PCDH9: variants seen among roughly 807,000 people sequenced by gnomAD.
The protein encoded by PCDH9 is protocadherin 9.
Under a neutral mutation model 70.6 loss-of-function variants are expected in PCDH9, and 24 were observed. The ratio of observed to expected loss-of-function variants is 0.34; its 90% CI spans 0.25 to 0.48. PCDH9 has a LOEUF of 0.48. PCDH9 is among the 20% of genes least tolerant of loss of function. The pLI is 0.99. For synonymous variants in PCDH9, 562 were observed against 558.5 expected (o/e 1.01, Z -0.09); for missense variants, 1,281 against 1,503.6 (o/e 0.85, Z 2.45).
chr13:67,135,098 T>C (rs1026798001), intron 2 of PCDH9, among the ~76,000 whole-genome samples: 5 of 152,152 alleles, frequency 3.3e-5, no homozygotes, highest in African/African-American at 9.6e-5. Context: ...ATGATACCAT[T>C]ATTTATACAA....
At chr13:67,166,775 G>C (rs753062955) in intron 2 of PCDH9, among the ~76,000 whole-genome samples, 3 of 152,136 alleles carry the variant, frequency 2.0e-5, no homozygotes, top group Admixed American at 6.5e-5. Flanking sequence ...GCTACCATGA[G>C]TGTGTGGCTA....
chr13:66,318,088 G>T (rs528212182), intron 4 of PCDH9, among the ~76,000 whole-genome samples: 1 of 152,240 alleles, frequency 6.6e-6, no homozygotes, highest in African/African-American at 2.4e-5. Flanking sequence ...TGCCCTCTCA[G>T]GGTGATACAT....
intron 4 of PCDH9, among the ~76,000 whole-genome samples, chr13:66,352,932 A>T (rs1956315288): frequency 6.6e-6 from 1 of 152,182 alleles, no homozygotes; most frequent in African/African-American, 2.4e-5. Flanking sequence ...CTCCACTCTG[A>T]TCTAGCCATT....
chr13:66,891,565 A>G (rs2082096446), intron 3 of PCDH9, among the ~76,000 whole-genome samples: 1 of 152,130 alleles, frequency 6.6e-6, no homozygotes, highest in Non-Finnish European at 1.5e-5. Flanking sequence ...ATTGAGTCAA[A>G]ACTGACATAA....
chr13:66,722,513 T>C (rs558781756), intron 3 of PCDH9, among the ~76,000 whole-genome samples: 11 of 152,144 alleles, frequency 7.2e-5, no homozygotes, highest in Non-Finnish European at 1.5e-4. Context: ...TGATTATTAA[T>C]TGGACCCTAT....
At chr13:66,676,378 T>TA (rs2078242889) in intron 3 of PCDH9, among the ~76,000 whole-genome samples, 1 of 149,552 alleles carries the variant, frequency 6.7e-6, no homozygotes, top group Non-Finnish European at 1.5e-5. Flanking sequence ...TTCTATTCCA[T>TA]AGAACTAAGC....
intron 2 of PCDH9, among the ~76,000 whole-genome samples, chr13:66,992,899 T>C (rs1276765996): frequency 1.8e-5 from 2 of 109,516 alleles, no homozygotes; most frequent in Non-Finnish European, 4.2e-5. Flanking sequence ...AAGCTCTGAC[T>C]CCTAAAAAAA....
At chr13:66,417,386 C>CA (rs1957479453) in intron 4 of PCDH9, among the ~76,000 whole-genome samples, 1 of 152,128 alleles carries the variant, frequency 6.6e-6, no homozygotes, top group South Asian at 2.1e-4. Flanking sequence ...CATAGTATTC[C>CA]ATGGTGTATA....
chr13:66,910,694 C>T (rs913863170), intron 2 of PCDH9, among the ~76,000 whole-genome samples: 1 of 151,994 alleles, frequency 6.6e-6, no homozygotes. Flanking sequence ...ATTTAATGGT[C>T]TCTATCATAG....
intron 2 of PCDH9, among the ~76,000 whole-genome samples, chr13:67,003,549 C>G (rs2084287061): frequency 6.6e-6 from 1 of 152,078 alleles, no homozygotes; most frequent in Admixed American, 6.6e-5. Context: ...TTAATCAACC[C>G]TTGATGGATA....
chr13:66,427,125 T>C (rs976689342), intron 4 of PCDH9, among the ~76,000 whole-genome samples: 3 of 151,626 alleles, frequency 2.0e-5, no homozygotes, highest in Non-Finnish European at 3.0e-5. Flanking sequence ...CAACATTAAA[T>C]ATCAAGCTAC....
chr13:66,721,133 T>C (rs2078936432), intron 3 of PCDH9, among the ~76,000 whole-genome samples: 2 of 152,184 alleles, frequency 1.3e-5, no homozygotes, highest in Non-Finnish European at 2.9e-5. Flanking sequence ...TTTAATGAAG[T>C]ATGTATGAAA....
intron 4 of PCDH9, among the ~76,000 whole-genome samples, chr13:66,357,238 G>A (rs1340629045): frequency 1.3e-5 from 2 of 151,960 alleles, no homozygotes; most frequent in Admixed American, 1.3e-4. Flanking sequence ...ATTCCAATGG[G>A]TAAAGAGAAG....
chr13:67,138,097 T>A (rs1465087189), intron 2 of PCDH9, among the ~76,000 whole-genome samples: 1 of 151,802 alleles, frequency 6.6e-6, no homozygotes, highest in Non-Finnish European at 1.5e-5. Context: ...TAAAAAAAAA[T>A]TCACCGACTT....
intron 3 of PCDH9, among the ~76,000 whole-genome samples, chr13:66,664,419 A>C (rs954844370): frequency 6.7e-6 from 1 of 148,872 alleles, no homozygotes; most frequent in African/African-American, 2.5e-5. Context: ...CAATTTTCAC[A>C]TCCCTTCCCA....
chr13:66,653,341 A>G (rs1253359201), intron 3 of PCDH9, among the ~76,000 whole-genome samples: 2 of 152,212 alleles, frequency 1.3e-5, no homozygotes, highest in Admixed American at 1.3e-4. Context: ...TGATTGTAAA[A>G]TGGTCAAAAG....
chr13:66,463,593 G>A (rs903012743), intron 4 of PCDH9, among the ~76,000 whole-genome samples: 3 of 151,774 alleles, frequency 2.0e-5, no homozygotes, highest in Non-Finnish European at 4.4e-5. Context: ...GAGATACTGC[G>A]TTTTCACCAA....
rs543801663 is a variant in PCDH9, at chr13:66,568,157, T to A, written c.3340+63053A>T. On this transcript the variant is annotated intron_variant, in intron 4 of 4. Coordinates refer to ENST00000377865, the MANE Select transcript of PCDH9 (RefSeq NM_203487.3). ...AATCTGATAGGGTTGGTTCTCCTAA[T>A]CATAAGAAGAAGAAATAACTGAGCT... Among the ~76,000 whole-genome samples the A allele has an allele frequency of 1.3e-4, 20 of 152,210 alleles. 1 individual carries two copies. Among genetic ancestry groups the A allele is most frequent in the South Asian group, 4.2e-4 (2 of 4,800 alleles).
chr13:66,437,404 CAAAA>C (rs66796123), intron 4 of PCDH9, among the ~76,000 whole-genome samples: 10 of 45,598 alleles, frequency 2.2e-4, no homozygotes, highest in African/African-American at 4.1e-4. Context: ...GACTCTGTCT[CAAAA>C]AAAAAAAAAA....
Sources: gnomAD v4.1 joint callset for allele counts (sites outside exome capture counted in the v4.1 genomes callset) on GRCh38, gnomAD v4.1.1 for gene constraint, MANE v1.5 for transcripts, NCBI Gene and HGNC (gene_info 2026-07-23, HGNC 2026-07-21) for gene names.